SCAMP1: variants seen among roughly 807,000 people sequenced by gnomAD.
The protein encoded by SCAMP1 is secretory carrier-associated membrane protein 1.
Under a neutral mutation model 41.8 loss-of-function variants are expected in SCAMP1, and 15 were observed. The ratio of observed to expected loss-of-function variants is 0.36; its 90% CI spans 0.24 to 0.55. SCAMP1 has a LOEUF of 0.55. SCAMP1 is among the 20% of genes least tolerant of loss of function. SCAMP1 has a pLI of 0.86. For missense variants in SCAMP1, 341 were observed against 412.6 expected (o/e 0.83, Z 1.50); for synonymous variants, 135 against 136.8 (o/e 0.99, Z 0.09).
chr5:78,441,925 T>C (rs996034355), intron 6 of SCAMP1, among the ~76,000 whole-genome samples: 2 of 152,188 alleles, frequency 1.3e-5, no homozygotes, highest in Non-Finnish European at 2.9e-5. Flanking sequence ...AGCTTGGTGC[T>C]CGAGACCAGG....
intron 1 of SCAMP1, among the ~76,000 whole-genome samples, chr5:78,378,078 T>C (rs1019747771): frequency 1.4e-4 from 21 of 152,288 alleles, no homozygotes; most frequent in African/African-American, 4.8e-4. Flanking sequence ...GTCACAGTAT[T>C]GGTCGTTACC....
chr5:78,391,982 C>G (rs1751522507), intron 2 of SCAMP1, among the ~76,000 whole-genome samples: 1 of 150,374 alleles, frequency 6.7e-6, no homozygotes, highest in Non-Finnish European at 1.5e-5. Context: ...GGCTTGGCAT[C>G]AGAGGGAGAC....
chr5:78,439,540 G>A (rs1240707330), intron 6 of SCAMP1, among the ~76,000 whole-genome samples: 1 of 152,138 alleles, frequency 6.6e-6, no homozygotes, highest in African/African-American at 2.4e-5. Flanking sequence ...TTGAATATTG[G>A]CCCCTACTCT....
In SCAMP1 at chr5:78,479,006, C is replaced by T. The variant is rs1754069245; in HGVS notation, c.*3338C>T. Reference sequence around the variant, plus strand: ...GTAAATCATTTGTAATAGCATAGTGCTTTTTACTCATTGCTGTATCTTTTT... The same window carrying T: ...GTAAATCATTTGTAATAGCATAGTGTTTTTTACTCATTGCTGTATCTTTTT... On this transcript the variant is annotated 3_prime_UTR_variant, in exon 9 of 9. Coordinates refer to ENST00000621999, the MANE Select transcript of SCAMP1 (RefSeq NM_004866.6). 6.6e-6 allele frequency: 1 copy of T among 152,068 alleles called. No homozygotes were observed. The highest frequency in any genetic ancestry group is 1.5e-5 in the Non-Finnish European group (1 of 67,956). The allele number at this position is 152,068 out of a possible 1,614,324, so 9.4% of individuals were successfully genotyped here. A position where few individuals can be genotyped will look rare whatever the true frequency, so the allele number is the denominator to read the frequency against.
intron 2 of SCAMP1, among the ~76,000 whole-genome samples, chr5:78,391,576 A>G (rs1299717821): frequency 6.6e-6 from 1 of 151,670 alleles, no homozygotes; most frequent in Non-Finnish European, 1.5e-5. Flanking sequence ...GTGGCCAGGC[A>G]GAGACGCTCC....
At chr5:78,467,547 G>C (rs1343642368) in intron 8 of SCAMP1, among the ~76,000 whole-genome samples, 1 of 152,134 alleles carries the variant, frequency 6.6e-6, no homozygotes, top group African/African-American at 2.4e-5. Flanking sequence ...TAAAAGTATT[G>C]ATATGGATAT....
chr5:78,391,901 G>T (rs570759092), intron 2 of SCAMP1, among the ~76,000 whole-genome samples: 177 of 152,272 alleles, frequency 1.2e-3, no homozygotes, highest in Admixed American at 2.1e-3. Context: ...CAGGCACTCG[G>T]CAGGCTGAGG....
At chr5:78,419,896 A>G (rs1288835894) in intron 5 of SCAMP1, among the ~76,000 whole-genome samples, 1 of 152,188 alleles carries the variant, frequency 6.6e-6, no homozygotes, top group African/African-American at 2.4e-5. Flanking sequence ...TTCTTGATCT[A>G]ATATCTTTTG....
intron 1 of SCAMP1, among the ~76,000 whole-genome samples, chr5:78,361,845 C>G (rs1001635671): frequency 6.6e-6 from 1 of 152,198 alleles, no homozygotes; most frequent in African/African-American, 2.4e-5. Context: ...TCTTTTTACT[C>G]CTGGTTTTAT....
chr5:78,448,798 C>T (rs780146172), intron 6 of SCAMP1, among the ~76,000 whole-genome samples: 4 of 151,924 alleles, frequency 2.6e-5, no homozygotes, highest in Non-Finnish European at 5.9e-5. Flanking sequence ...GTTGGGAGTT[C>T]GAGACCAACC....
intron 5 of SCAMP1, 142 bp downstream of exon 5, chr5:78,419,045 CAT>C (rs1322144031): frequency 2.8e-6 from 2 of 720,316 alleles, no homozygotes; most frequent in African/African-American, 1.9e-5. Flanking sequence ...CAGAGTGAAA[CAT>C]ATCCTATTTA....
chr5:78,463,148 C>T (rs898549963), intron 8 of SCAMP1, among the ~76,000 whole-genome samples: 1 of 151,508 alleles, frequency 6.6e-6, no homozygotes, highest in Non-Finnish European at 1.5e-5. Context: ...CTCTTCTGCA[C>T]CAAACACACA....
rs368402842 is a variant in SCAMP1 at position 78,403,369 on chromosome 5, C to T, written c.136-12151C>T. Reference sequence around the variant, plus strand: ...TTTGTATCATTGCTGTCATTCATTTCGCTGATATATAAGCATATATAAACA... The same window carrying T: ...TTTGTATCATTGCTGTCATTCATTTTGCTGATATATAAGCATATATAAACA... On this transcript the variant is annotated intron_variant, in intron 2 of 8. Coordinates refer to ENST00000621999, the MANE Select transcript of SCAMP1 (RefSeq NM_004866.6). 2.7e-3 allele frequency among the ~76,000 whole-genome samples: 414 copies of T among 152,054 alleles called. 16 individuals are homozygous for T. In the South Asian group the frequency reaches 0.081, roughly 30 times the overall value.
At chr5:78,473,005 T>C (rs189943014) in intron 8 of SCAMP1, among the ~76,000 whole-genome samples, 3 of 152,262 alleles carry the variant, frequency 2.0e-5, no homozygotes, top group African/African-American at 7.2e-5. Context: ...CAGTCATTTG[T>C]ACTCACTTTG....
intron 6 of SCAMP1, among the ~76,000 whole-genome samples, chr5:78,433,616 G>A (rs1023070691): frequency 6.6e-6 from 1 of 152,160 alleles, no homozygotes; most frequent in Non-Finnish European, 1.5e-5. Flanking sequence ...AGTGAGTCCT[G>A]CTTTTCCAGA....
chr5:78,421,192 C>T (rs1379060668), intron 5 of SCAMP1, among the ~76,000 whole-genome samples: 1 of 152,170 alleles, frequency 6.6e-6, no homozygotes, highest in African/African-American at 2.4e-5. Context: ...AAGCCTGCCA[C>T]AGTAGCTAAA....
intron 7 of SCAMP1, among the ~76,000 whole-genome samples, chr5:78,451,618 G>T (rs530451146): frequency 6.6e-6 from 1 of 152,278 alleles, no homozygotes; most frequent in African/African-American, 2.4e-5. Flanking sequence ...GATTTATCCA[G>T]GTTGTTATGT....
intron 1 of SCAMP1, among the ~76,000 whole-genome samples, chr5:78,369,029 ATG>A (rs1033739615): frequency 6.6e-6 from 1 of 151,878 alleles, no homozygotes; most frequent in African/African-American, 2.4e-5. Context: ...CAATATTGTA[ATG>A]TCTCAGGGAA....
intron 1 of SCAMP1, among the ~76,000 whole-genome samples, chr5:78,382,844 T>G (rs1751245458): frequency 6.6e-6 from 1 of 150,944 alleles, no homozygotes; most frequent in African/African-American, 2.4e-5. Flanking sequence ...TATCCACTCG[T>G]TGATTGATAT....
Sources: allele counts gnomAD v4.1 joint callset (sites outside exome capture counted in the v4.1 genomes callset), GRCh38; gene constraint gnomAD v4.1.1; transcripts MANE v1.5; gene names NCBI Gene and HGNC (gene_info 2026-07-23, HGNC 2026-07-21).